ACAP2: variants seen among roughly 807,000 people sequenced by gnomAD.
ACAP2 encodes the protein arf-GAP with coiled-coil, ANK repeat and PH domain-containing protein 2.
A neutral mutation model predicts 115.8 loss-of-function variants in ACAP2; 39 were observed. That is an observed-to-expected ratio of 0.34 (90% CI 0.26 to 0.44). ACAP2 has a LOEUF of 0.44. Ranked by LOEUF, ACAP2 falls within the 20% of genes least tolerant of loss-of-function variation. ACAP2 has a pLI of 1.00. For synonymous variants in ACAP2, 289 were observed against 315.8 expected (o/e 0.92, Z 0.90); for missense variants, 662 against 927.6 (o/e 0.71, Z 3.72).
chr3:195,440,357 TCTC>T (rs753609441), intron 1 of ACAP2, among the ~76,000 whole-genome samples: 72 of 152,328 alleles, frequency 4.7e-4, no homozygotes, highest in South Asian at 1.4e-3. Context: ...CCCCTTGTAT[TCTC>T]CTCATTGATT....
rs1733228667 is a variant in ACAP2 at position 195,372,583 on chromosome 3, A to G, written c.285+8426T>C. ...CACCTTGTAATCCCACTACTCTGGG[A>G]GGCTGAGGCAAGAACATCACTTGAG... On this transcript the variant is annotated intron_variant, in intron 4 of 22. Coordinates refer to ENST00000326793, the MANE Select transcript of ACAP2 (RefSeq NM_012287.6). Among the ~76,000 whole-genome samples the G allele has an allele frequency of 1.3e-5, 2 of 152,122 alleles. 1 individual carries two copies. The highest frequency in any genetic ancestry group is 4.8e-5 in the African/African-American group (2 of 41,414).
At chr3:195,291,849 A>G (rs749034511) in intron 19 of ACAP2, 34 bp from the exon 20 acceptor site, 10 of 1,546,290 alleles carry the variant, frequency 6.5e-6, no homozygotes, top group Non-Finnish European at 8.8e-6. Context: ...TATAGACAAA[A>G]GCAAATAACA....
At chr3:195,385,861 T>G (rs1384967520) in intron 2 of ACAP2, among the ~76,000 whole-genome samples, 3 of 152,180 alleles carry the variant, frequency 2.0e-5, no homozygotes, top group Non-Finnish European at 4.4e-5. Flanking sequence ...TAGTGGAGAA[T>G]TCTGCAGAGT....
chr3:195,312,520 G>C (rs1241135145), intron 10 of ACAP2, among the ~76,000 whole-genome samples: 4 of 152,034 alleles, frequency 2.6e-5, no homozygotes. Flanking sequence ...AGCCTGGAGT[G>C]TCGTGGTGCA....
At chr3:195,422,797 T>C (rs997729408) in intron 1 of ACAP2, among the ~76,000 whole-genome samples, 3 of 152,174 alleles carry the variant, frequency 2.0e-5, no homozygotes, top group Non-Finnish European at 4.4e-5. Context: ...TAACATGACA[T>C]AAAATATCTT....
At chr3:195,424,254 T>TG (rs1208975465) in intron 1 of ACAP2, among the ~76,000 whole-genome samples, 1 of 86,114 alleles carries the variant, frequency 1.2e-5, no homozygotes, top group Non-Finnish European at 2.3e-5. Context: ...GGTGTGTGTG[T>TG]GTGTGTGTAT....
chr3:195,350,580 T>C (rs1731492541), intron 4 of ACAP2, among the ~76,000 whole-genome samples: 1 of 149,268 alleles, frequency 6.7e-6, no homozygotes. Flanking sequence ...GCCCAGGAGG[T>C]GGAGGCTGCA....
At chr3:195,316,548 C>T (rs929630528) in intron 10 of ACAP2, among the ~76,000 whole-genome samples, 5 of 152,058 alleles carry the variant, frequency 3.3e-5, no homozygotes, top group African/African-American at 1.2e-4. Flanking sequence ...CAGGCATGCG[C>T]CACCACGTCC....
chr3:195,312,816 A>G (rs1013995676), intron 10 of ACAP2: 2 of 152,220 alleles, frequency 1.3e-5, no homozygotes, highest in African/African-American at 4.8e-5. Flanking sequence ...TTTCTTCCCA[A>G]TTTAAAACAT....
rs576223533 is a variant in ACAP2 at position 195,400,210 on chromosome 3, G to GTA, written c.54-8065_54-8064dup. Among the ~76,000 whole-genome samples, 254 of 150,998 alleles carry GTA rather than the reference G, an allele frequency of 1.7e-3. 1 individual carries two copies. The highest frequency in any genetic ancestry group is 5.3e-3 in the African/African-American group (220 of 41,164). ...AAAAACAACAAAAAAATACGTATGT[G>GTA]TATATATATATGTGTGTGTATATAT... On this transcript the variant is annotated intron_variant, in intron 1 of 22. Transcript: ENST00000326793.
At chr3:195,408,857 C>A (rs1275237872) in intron 1 of ACAP2, among the ~76,000 whole-genome samples, 1 of 152,232 alleles carries the variant, frequency 6.6e-6, no homozygotes, top group East Asian at 1.9e-4. Flanking sequence ...AATCCATGAT[C>A]ATCTCCATTG....
At chr3:195,305,443 G>A (rs1728358556) in intron 13 of ACAP2, among the ~76,000 whole-genome samples, 1 of 152,072 alleles carries the variant, frequency 6.6e-6, no homozygotes, top group African/African-American at 2.4e-5. Flanking sequence ...CAAATATGAG[G>A]ACAGAACCAA....
chr3:195,357,178 T>C (rs1332319264), intron 4 of ACAP2, among the ~76,000 whole-genome samples: 1 of 151,804 alleles, frequency 6.6e-6, no homozygotes, highest in Non-Finnish European at 1.5e-5. Context: ...GACAACATTG[T>C]GGCAGTACTC....
At chr3:195,298,612 C>T (rs1727812124) in intron 15 of ACAP2, among the ~76,000 whole-genome samples, 1 of 151,934 alleles carries the variant, frequency 6.6e-6, no homozygotes, top group Non-Finnish European at 1.5e-5. Context: ...TCTATGACAT[C>T]CCTCTTCTGT....
At chr3:195,434,952 T>A (rs1006804472) in intron 1 of ACAP2, among the ~76,000 whole-genome samples, 5 of 152,120 alleles carry the variant, frequency 3.3e-5, no homozygotes, top group African/African-American at 1.2e-4. Context: ...TGAAGTAATC[T>A]GAGTCACTGC....
intron 1 of ACAP2, among the ~76,000 whole-genome samples, chr3:195,402,336 G>T (rs1041242519): frequency 2.0e-5 from 3 of 151,990 alleles, no homozygotes; most frequent in African/African-American, 4.8e-5. Context: ...CTCCAGCCTT[G>T]TGATTCCAAT....
intron 1 of ACAP2, among the ~76,000 whole-genome samples, chr3:195,405,042 C>T (rs1398716879): frequency 1.3e-5 from 2 of 151,914 alleles, no homozygotes; most frequent in Non-Finnish European, 2.9e-5. Context: ...TCAAGTGATC[C>T]GCCCGCCCCA....
Position 195,437,885 on chromosome 3 carries a change from C to CTTTT in ACAP2, c.53+4906_53+4909dup, listed in dbSNP as rs1186712431. On this transcript the variant is annotated intron_variant, in intron 1 of 22. Transcript: ENST00000326793. Reference sequence around the variant, plus strand: ...ATGAGGATAAGTCCTACTTTACATGCTTTTTTTTTTTTTTTTTTTTCATTA... The same window carrying CTTTT: ...ATGAGGATAAGTCCTACTTTACATGCTTTTTTTTTTTTTTTTTTTTTTTTCATTA... Among the ~76,000 whole-genome samples the CTTTT allele has an allele frequency of 1.0e-3, 94 of 90,730 alleles. 1 individual carries two copies. The highest frequency in any genetic ancestry group is 3.5e-3 in the African/African-American group (81 of 23,000). 59.5% of individuals were successfully genotyped at this position (90,730 alleles called of 152,430 possible).
At chr3:195,405,671 G>A (rs1445834637) in intron 1 of ACAP2, among the ~76,000 whole-genome samples, 3 of 151,170 alleles carry the variant, frequency 2.0e-5, no homozygotes, top group African/African-American at 7.3e-5. Context: ...AGGCAACAGA[G>A]TGAGACTCCA....
Sources: gnomAD v4.1 joint callset for allele counts (sites outside exome capture counted in the v4.1 genomes callset) on GRCh38, gnomAD v4.1.1 for gene constraint, MANE v1.5 for transcripts, NCBI Gene and HGNC (gene_info 2026-07-23, HGNC 2026-07-21) for gene names.